Variants in TMTC2 observed in about 807,000 individuals in gnomAD.
The protein encoded by TMTC2 is protein O-mannosyl-transferase TMTC2.
A neutral mutation model predicts 82.4 loss-of-function variants in TMTC2; 43 were observed. The ratio of observed to expected loss-of-function variants is 0.52; its 90% CI spans 0.41 to 0.67. The LOEUF is 0.67. Among genes scored for constraint, TMTC2 ranks in the 30% least tolerant of loss-of-function variants. The pLI is 0.00. For synonymous variants in TMTC2, 408 were observed against 381.9 expected (o/e 1.07, Z -0.80); for missense variants, 919 against 1,012.4 (o/e 0.91, Z 1.25).
chr12:82,741,569 A>C (rs1355627523), intron 1 of TMTC2, among the ~76,000 whole-genome samples: 1 of 152,168 alleles, frequency 6.6e-6, no homozygotes, highest in Non-Finnish European at 1.5e-5. Context: ...TTAGCCTCCC[A>C]AAGTGCTGGG....
intron 10 of TMTC2, among the ~76,000 whole-genome samples, chr12:83,057,583 A>AACT (rs1882592384): frequency 2.0e-5 from 3 of 151,940 alleles, no homozygotes; most frequent in Non-Finnish European, 4.4e-5. Context: ...CCTACTGTAT[A>AACT]ACATATCAAC....
intron 2 of TMTC2, among the ~76,000 whole-genome samples, chr12:82,891,694 T>A (rs1017593358): frequency 6.6e-6 from 1 of 151,972 alleles, no homozygotes; most frequent in Non-Finnish European, 1.5e-5. Context: ...ATACTTTTTT[T>A]AATTTTTATT....
At chr12:83,001,651 A>T (rs953627411) in intron 8 of TMTC2, among the ~76,000 whole-genome samples, 1 of 151,458 alleles carries the variant, frequency 6.6e-6, no homozygotes, top group African/African-American at 2.4e-5. Flanking sequence ...AAAAAAAAAA[A>T]AAAGAAAAAG....
At chr12:82,834,207 T>A (rs1488479701) in intron 1 of TMTC2, among the ~76,000 whole-genome samples, 2 of 152,234 alleles carry the variant, frequency 1.3e-5, no homozygotes, top group Non-Finnish European at 2.9e-5. Flanking sequence ...AATACAATTG[T>A]TACATGAATG....
Position 82,802,257 on chromosome 12 carries a change from C to T in TMTC2, c.84-54753C>T, listed in dbSNP as rs753705090. Among the ~76,000 whole-genome samples, 13 of 152,296 alleles carry T rather than the reference C, an allele frequency of 8.5e-5. No homozygotes were observed. In the East Asian group the frequency reaches 1.4e-3, roughly 16 times the overall value. On this transcript the variant is annotated intron_variant, in intron 1 of 11. Coordinates refer to ENST00000321196, the MANE Select transcript of TMTC2 (RefSeq NM_152588.3). ...CACTGCTGGGGGCGGCAGGGCCCGCCGGCAGCTCTGAGTGCAGGCCGCTGA... is the reference window on the plus strand; with the variant it reads ...CACTGCTGGGGGCGGCAGGGCCCGCTGGCAGCTCTGAGTGCAGGCCGCTGA...
chr12:82,787,430 T>C (rs924311589), intron 1 of TMTC2, among the ~76,000 whole-genome samples: 7 of 152,200 alleles, frequency 4.6e-5, no homozygotes, highest in Admixed American at 6.5e-5. Flanking sequence ...AACCTAGTTA[T>C]ATGTAAATGA....
chr12:82,783,246 T>G (rs1877996103), intron 1 of TMTC2, among the ~76,000 whole-genome samples: 1 of 150,206 alleles, frequency 6.7e-6, no homozygotes, highest in Non-Finnish European at 1.5e-5. Flanking sequence ...TGGGTAGGTT[T>G]AAATAATTTT....
rs189145651 is a variant in TMTC2, at chr12:82,769,401, G to A, written c.83+81732G>A. Among the ~76,000 whole-genome samples, 408 of 152,022 alleles carry A rather than the reference G, an allele frequency of 2.7e-3. 3 individuals carry two copies. Among genetic ancestry groups the A allele is most frequent in the African/African-American group, 9.4e-3 (388 of 41,468 alleles). On this transcript the variant is annotated intron_variant, in intron 1 of 11. Transcript: ENST00000321196. ...TGAGGCAGGAGAATCGTTTGAGCCT[G>A]GGAGGCAGAGGTTGCAGTGAGCTGA...
chr12:82,833,174 C>T (rs989588137), intron 1 of TMTC2, among the ~76,000 whole-genome samples: 38 of 151,980 alleles, frequency 2.5e-4, no homozygotes, highest in Non-Finnish European at 5.1e-4. Flanking sequence ...TTTTTAATGA[C>T]AAAGTTGTTT....
At chr12:83,120,286 G>T (rs1357951388) in intron 11 of TMTC2, among the ~76,000 whole-genome samples, 1 of 152,150 alleles carries the variant, frequency 6.6e-6, no homozygotes, top group Non-Finnish European at 1.5e-5. Context: ...GTTTTGGTGT[G>T]TTTTCAGCAT....
At chr12:83,002,704 T>A (rs1879980951) in intron 8 of TMTC2, among the ~76,000 whole-genome samples, 1 of 152,166 alleles carries the variant, frequency 6.6e-6, no homozygotes, top group Non-Finnish European at 1.5e-5. Context: ...TGTAATTGAT[T>A]GGTTTTGAGT....
At chr12:82,813,197 T>A (rs1362039814) in intron 1 of TMTC2, among the ~76,000 whole-genome samples, 1 of 152,156 alleles carries the variant, frequency 6.6e-6, no homozygotes, top group Non-Finnish European at 1.5e-5. Context: ...CAGATACTAT[T>A]TTCTACTTGA....
Position 83,071,863 on chromosome 12 carries a change from G to A in TMTC2, c.2331+10032G>A, listed in dbSNP as rs564614573. ...TGTCAGTTGTAATAGCTCCTGTTTC[G>A]TTTTCTTAGTGAGGTTATTTGGATT... On this transcript the variant is annotated intron_variant, in intron 11 of 11. Transcript: ENST00000321196. 8.6e-5 allele frequency among the ~76,000 whole-genome samples: 13 copies of A among 151,734 alleles called. No individual in the cohort carries two copies. The East Asian group carries it at 1.2e-3, about 14-fold the overall frequency.
At chr12:82,867,206 C>T (rs1220186364) in intron 2 of TMTC2, among the ~76,000 whole-genome samples, 2 of 152,088 alleles carry the variant, frequency 1.3e-5, no homozygotes, top group African/African-American at 2.4e-5. Context: ...GCATGAATTC[C>T]GAATTTAATA....
chr12:83,130,035 C>G (rs1885215295), intron 11 of TMTC2, among the ~76,000 whole-genome samples: 1 of 152,226 alleles, frequency 6.6e-6, no homozygotes, highest in Non-Finnish European at 1.5e-5. Context: ...ACAGAGCCAT[C>G]TGTTTTCTCT....
chr12:82,833,718 A>G (rs114197596), intron 1 of TMTC2, among the ~76,000 whole-genome samples: 163 of 152,298 alleles, frequency 1.1e-3, no homozygotes, highest in African/African-American at 3.6e-3. Flanking sequence ...TTAAGAAACT[A>G]TAATGCTGAC....
intron 11 of TMTC2, among the ~76,000 whole-genome samples, chr12:83,094,920 G>A (rs996138843): frequency 8.5e-5 from 13 of 152,118 alleles, no homozygotes; most frequent in African/African-American, 2.7e-4. Flanking sequence ...AGGAGGGTTC[G>A]GGGATGGAGA....
At chr12:82,742,651 C>T (rs1170075700) in intron 1 of TMTC2, among the ~76,000 whole-genome samples, 1 of 151,922 alleles carries the variant, frequency 6.6e-6, no homozygotes, top group East Asian at 1.9e-4. Context: ...TCCCTAGTAG[C>T]TGGGATTATA....
intron 3 of TMTC2, among the ~76,000 whole-genome samples, chr12:82,921,011 C>G (rs1231243079): frequency 6.6e-6 from 1 of 152,014 alleles, no homozygotes; most frequent in Non-Finnish European, 1.5e-5. Flanking sequence ...TACTACTTGG[C>G]ATTAATTTTT....
Sources: gnomAD v4.1 joint callset for allele counts (sites outside exome capture counted in the v4.1 genomes callset) on GRCh38, gnomAD v4.1.1 for gene constraint, MANE v1.5 for transcripts, NCBI Gene and HGNC (gene_info 2026-07-23, HGNC 2026-07-21) for gene names.